PCNX1: variants seen among roughly 807,000 people sequenced by gnomAD.
The protein encoded by PCNX1 is pecanex 1.
In PCNX1, 78 loss-of-function variants were observed where a neutral mutation model predicts 242.2. The observed-to-expected ratio is 0.32, with a 90% CI of 0.27 to 0.39. PCNX1 has a LOEUF of 0.39. PCNX1 is among the 10% of genes least tolerant of loss of function. The pLI is 1.00. For missense variants in PCNX1, 2,581 were observed against 2,856.5 expected, an observed-to-expected ratio of 0.90 and a Z score of 2.20; for synonymous variants, 1,024 against 1,032.9, an observed-to-expected ratio of 0.99 and a Z score of 0.17.
chr14:70,995,967 A>G (rs2059338522), intron 8 of PCNX1, 42 bp downstream of exon 8: 1 of 1,415,358 alleles, frequency 7.1e-7, no homozygotes, highest in Non-Finnish European at 1.0e-6. Context: ...AAAAACTTTA[A>G]TGCAGCAGAT....
chr14:71,112,997 T>C lies in PCNX1; in HGVS notation c.*3062T>C, dbSNP rs1269347146. On this transcript the variant is annotated 3_prime_UTR_variant, in exon 36 of 36. Coordinates refer to ENST00000304743, the MANE Select transcript of PCNX1 (RefSeq NM_014982.3). ...GTTAATCTTCCAACTTATACCTTGG[T>C]GTGAACTCTCTTTTTACACCATTTT... 1 of 152,220 alleles carries C rather than the reference T, an allele frequency of 6.6e-6. No homozygotes were observed. Among genetic ancestry groups the C allele is most frequent in the Non-Finnish European group, 1.5e-5 (1 of 68,034 alleles). 9.4% of individuals were successfully genotyped at this position (152,220 alleles called of 1,614,324 possible).
chr14:71,091,344 C>T (rs1324607432), intron 30 of PCNX1, among the ~76,000 whole-genome samples: 1 of 152,158 alleles, frequency 6.6e-6, no homozygotes, highest in East Asian at 1.9e-4. Flanking sequence ...GGACAATAGG[C>T]TTATATACTA....
At chr14:70,908,720 G>T (rs2139969754) in intron 1 of PCNX1, among the ~76,000 whole-genome samples, 1 of 152,372 alleles carries the variant, frequency 6.6e-6, no homozygotes, top group Admixed American at 6.5e-5. Flanking sequence ...GGAGGGAGCG[G>T]GGAGATAACG....
intron 19 of PCNX1, 98 bp from the exon 20 acceptor site, chr14:71,045,035 T>C: frequency 1.3e-6 from 1 of 766,562 alleles, no homozygotes; most frequent in Non-Finnish European, 2.1e-6. Flanking sequence ...AAATGGACGT[T>C]GTCCATTATC....
chr14:70,959,392 A>G lies in PCNX1; in HGVS notation c.363-2834A>G, dbSNP rs759477890. On this transcript the variant is annotated intron_variant, in intron 2 of 35. Transcript: ENST00000304743. Reference sequence around the variant, plus strand: ...TATCCCTCCCCCCTCCCCCCACCCCACAACAGTCCCCAGAGTGTGATGTTC... The same window carrying G: ...TATCCCTCCCCCCTCCCCCCACCCCGCAACAGTCCCCAGAGTGTGATGTTC... 6.7e-3 allele frequency among the ~76,000 whole-genome samples: 560 copies of G among 83,972 alleles called. 2 individuals carry two copies. The highest frequency in any genetic ancestry group is 0.011 in the Middle Eastern group (1 of 90). 55.1% of individuals were successfully genotyped at this position (83,972 alleles called of 152,430 possible). A position where few individuals can be genotyped will look rare whatever the true frequency, so the allele number is the denominator to read the frequency against.
At chr14:71,078,471 C>T (rs1338143366) in intron 28 of PCNX1, among the ~76,000 whole-genome samples, 1 of 152,202 alleles carries the variant, frequency 6.6e-6, no homozygotes, top group Non-Finnish European at 1.5e-5. Context: ...TGAAAAGATT[C>T]ATCTCAGCTT....
intron 1 of PCNX1, among the ~76,000 whole-genome samples, chr14:70,915,519 A>G (rs144833764): frequency 6.6e-6 from 1 of 152,330 alleles, no homozygotes; most frequent in Non-Finnish European, 1.5e-5. Flanking sequence ...ACTGTTTTCA[A>G]GTCTCCTATT....
chr14:70,942,572 A>G (rs1235581895), intron 1 of PCNX1, among the ~76,000 whole-genome samples: 1 of 152,192 alleles, frequency 6.6e-6, no homozygotes, highest in African/African-American at 2.4e-5. Context: ...ATTCAATTCA[A>G]TTCTGACACT....
intron 1 of PCNX1, among the ~76,000 whole-genome samples, chr14:70,945,736 T>G (rs2057430390): frequency 6.6e-6 from 1 of 152,066 alleles, no homozygotes; most frequent in Non-Finnish European, 1.5e-5. Flanking sequence ...GGCATGATCT[T>G]GGCTCACTAG....
At chr14:71,042,983 G>T (rs2060752925) in intron 19 of PCNX1, among the ~76,000 whole-genome samples, 1 of 129,170 alleles carries the variant, frequency 7.7e-6, no homozygotes, top group African/African-American at 3.2e-5. Context: ...TGTAGAGCCA[G>T]CCTAGTGGTA....
intron 1 of PCNX1, among the ~76,000 whole-genome samples, chr14:70,924,255 AG>A (rs1276537968): frequency 2.0e-5 from 3 of 151,442 alleles, no homozygotes; most frequent in Admixed American, 1.3e-4. Flanking sequence ...AAAAAGAAAA[AG>A]AAAAAACAGA....
At chr14:70,926,301 T>C (rs2056589287) in intron 1 of PCNX1, among the ~76,000 whole-genome samples, 1 of 152,214 alleles carries the variant, frequency 6.6e-6, no homozygotes, top group Non-Finnish European at 1.5e-5. Context: ...CTTTCCTTGC[T>C]GTGCTTATAT....
At chr14:70,932,308 A>C (rs2056832190) in intron 1 of PCNX1, among the ~76,000 whole-genome samples, 1 of 152,192 alleles carries the variant, frequency 6.6e-6, no homozygotes, top group African/African-American at 2.4e-5. Context: ...ATAGCTAAAC[A>C]TTTTGAGGAA....
intron 20 of PCNX1, among the ~76,000 whole-genome samples, chr14:71,045,841 G>A (rs956861812): frequency 2.0e-5 from 3 of 152,174 alleles, no homozygotes; most frequent in Non-Finnish European, 2.9e-5. Flanking sequence ...GGATGGAAAA[G>A]AGGCTAGTTC....
intron 8 of PCNX1, among the ~76,000 whole-genome samples, chr14:71,003,382 C>G (rs989214475): frequency 6.6e-6 from 1 of 152,088 alleles, no homozygotes; most frequent in African/African-American, 2.4e-5. Flanking sequence ...TGAGCCACTG[C>G]GCCCAGCCTG....
chr14:70,994,396 G>GATATATGTGTGTATATATATATAT (rs1371763584), intron 7 of PCNX1, among the ~76,000 whole-genome samples: 1 of 96,972 alleles, frequency 1.0e-5, no homozygotes, highest in African/African-American at 3.8e-5. Context: ...ACAGGCTTAA[G>GATATATGTGTGTATATATATATAT]ATATATATAT....
chr14:71,022,921 C>T lies in PCNX1; in HGVS notation c.3151-279C>T, dbSNP rs577045124. ...AAGCCAAACAGTAAGATGGCTCTGT[C>T]TATCATATGCTATTGCAGAAACTTT... On this transcript the variant is annotated intron_variant, in intron 12 of 35. Coordinates refer to ENST00000304743, the MANE Select transcript of PCNX1 (RefSeq NM_014982.3). Among the ~76,000 whole-genome samples the T allele has an allele frequency of 2.6e-5, 4 of 152,108 alleles. No individual in the cohort carries two copies. The South Asian group carries it at 8.3e-4, about 32-fold the overall frequency.
At chr14:71,027,079 G>C (rs2060261767) in intron 15 of PCNX1, 197 bp downstream of exon 15, 1 of 450,752 alleles carries the variant, frequency 2.2e-6, no homozygotes, top group East Asian at 3.9e-5. Flanking sequence ...CTACTTTAGA[G>C]AAAGAGCCAG....
chr14:70,974,766 T>C (rs2058645918), intron 5 of PCNX1, among the ~76,000 whole-genome samples: 1 of 152,224 alleles, frequency 6.6e-6, no homozygotes, highest in African/African-American at 2.4e-5. Context: ...TTTCTTATTC[T>C]AAACGCCACT....
Sources: allele counts gnomAD v4.1 joint callset (sites outside exome capture counted in the v4.1 genomes callset), GRCh38; gene constraint gnomAD v4.1.1; transcripts MANE v1.5; gene names NCBI Gene and HGNC (gene_info 2026-07-23, HGNC 2026-07-21).